CD1C: variants seen among roughly 807,000 people sequenced by gnomAD.
CD1C encodes the protein CD1c molecule, also known as T-cell surface glycoprotein CD1c.
A neutral mutation model predicts 39.4 loss-of-function variants in CD1C; 47 were observed. The ratio of observed to expected loss-of-function variants is 1.19; its 90% CI spans 0.94 to 1.52. The LOEUF is 1.52. Ranked by LOEUF, CD1C falls within the 40% of genes most tolerant of loss-of-function variation. CD1C has a pLI of 0.00. For missense variants in CD1C, 417 were observed against 395.2 expected, an observed-to-expected ratio of 1.06 and a Z score of -0.47; for synonymous variants, 165 against 150.8, an observed-to-expected ratio of 1.09 and a Z score of -0.69.
Position 158,292,307 on chromosome 1 carries a change from T to C in CD1C, c.552T>C (p.Thr184=), listed in dbSNP as rs1651071589. The change falls in exon 3 of 6, where the codon ACT becomes ACC. Residue 184 remains threonine, a synonymous_variant. Coordinates refer to ENST00000368170, the MANE Select transcript of CD1C (RefSeq NM_001765.3). ...CAGTGTATAATCTCATAAGAAGCAC[T>C]TGCCCCCGATTTCTCTTGGGTCTCC... ...TETVYNLIRS[T]CPRFLLGLLD... is the part of the protein sequence containing the mutation. 6.2e-7 allele frequency: 1 copy of C among 1,614,206 alleles called. No homozygotes were observed. Among genetic ancestry groups the C allele is most frequent in the Non-Finnish European group, 8.5e-7 (1 of 1,180,028 alleles).
intron 2 of CD1C, 141 bp downstream of exon 2, chr1:158,291,541 C>A: frequency 2.4e-6 from 2 of 832,042 alleles, no homozygotes; most frequent in Non-Finnish European, 1.9e-6. Context: ...AGGGATATTC[C>A]TGATGTTGAC....
rs924847064 is a variant in CD1C at position 158,293,547 on chromosome 1, G to A, written c.*71G>A. The A allele has an allele frequency of 1.2e-5, 20 of 1,613,826 alleles. No individual in the cohort carries two copies. Among genetic ancestry groups the A allele is most frequent in the Admixed American group, 3.3e-5 (2 of 59,986 alleles). ...CAGGAGCCTAGTACAATATAGTGAT[G>A]CCATCCCGTCGACTCTCCATTTAAA... On this transcript the variant is annotated 3_prime_UTR_variant, in exon 6 of 6. Coordinates refer to ENST00000368170, the MANE Select transcript of CD1C (RefSeq NM_001765.3).
chr1:158,291,114 T>C lies in CD1C; in HGVS notation c.62-20T>C. The C allele has an allele frequency of 6.2e-7, 1 of 1,609,534 alleles. No homozygotes were observed. Among genetic ancestry groups the C allele is most frequent in the East Asian group, 2.2e-5 (1 of 44,736 alleles). ...TTTTTTTTTTTTTCCTTACACTACT[T>C]GCCCTTCTTCCACCAAAAGCATCCC... is the stretch of plus-strand genomic sequence containing the variant. On this transcript the variant is annotated intron_variant, in intron 1 of 5. Transcript: ENST00000368170.
rs946472537 is a variant in CD1C, at chr1:158,293,566, A to G, written c.*90A>G. 8 of 1,613,762 alleles carry G rather than the reference A, an allele frequency of 5.0e-6. No individual in the cohort carries two copies. In the African/African-American group the frequency reaches 8.0e-5, roughly 16 times the overall value. ...AGTGATGCCATCCCGTCGACTCTCCATTTAAATTGTTTCTCTTTCTGCATA... is the reference window on the plus strand; with the variant it reads ...AGTGATGCCATCCCGTCGACTCTCCGTTTAAATTGTTTCTCTTTCTGCATA... On this transcript the variant is annotated 3_prime_UTR_variant, in exon 6 of 6. Transcript: ENST00000368170.
rs759928678 is a variant in CD1C at position 158,292,315 on chromosome 1, G to A, written c.560G>A (p.Arg187Gln). ...VYNLIRSTCP[R>Q]FLLGLLDAGK... Reference sequence around the variant, plus strand: ...AATCTCATAAGAAGCACTTGCCCCCGATTTCTCTTGGGTCTCCTGGATGCA... The same window carrying A: ...AATCTCATAAGAAGCACTTGCCCCCAATTTCTCTTGGGTCTCCTGGATGCA... The change falls in exon 3 of 6, where the codon CGA (arginine) becomes CAA (glutamine). Residue 187 changes from arginine (R) to glutamine (Q), a missense_variant. Transcript: ENST00000368170. The A allele has an allele frequency of 3.6e-5, 58 of 1,614,036 alleles. No individual in the cohort carries two copies. Among genetic ancestry groups the A allele is most frequent in the Non-Finnish European group, 4.0e-5 (47 of 1,180,032 alleles).
intron 2 of CD1C, 63 bp downstream of exon 2, chr1:158,291,463 C>G: frequency 6.5e-7 from 1 of 1,549,434 alleles, no homozygotes; most frequent in Non-Finnish European, 8.8e-7. Flanking sequence ...GAAATATTCT[C>G]TACTAATTTT....
At chr1:158,293,149 T>C (rs1422276236) in intron 4 of CD1C, 63 bp from the exon 5 acceptor site, 15 of 1,258,476 alleles carry the variant, frequency 1.2e-5, no homozygotes, top group African/African-American at 4.4e-5. Context: ...AGGAAATCAA[T>C]AGATGGAATA....
intron 1 of CD1C, 26 bp from the exon 2 acceptor site, chr1:158,291,105 TACA>T: frequency 6.3e-7 from 1 of 1,596,590 alleles, no homozygotes; most frequent in Non-Finnish European, 8.5e-7. Flanking sequence ...TTTTTTTCCT[TACA>T]CTACTTGCCC....
Position 158,292,729 on chromosome 1 carries a change from C to T in CD1C, c.744C>T (p.Gly248=), listed in dbSNP as rs757329481. The T allele has an allele frequency of 4.3e-6, 7 of 1,614,020 alleles. No homozygotes were observed. The African/African-American group carries it at 6.7e-5, about 15-fold the overall frequency. Residue 248 remains glycine, a synonymous_variant, in exon 4 of 6, where the codon GGC becomes GGT. Transcript: ENST00000368170. ...TWMRNEQEQL[G]TKHGDILPNA... is the part of the protein sequence containing the mutation. ...TGCGGAATGAACAGGAGCAACTGGG[C>T]ACTAAACATGGTGATATTCTTCCTA...
rs746276859 is a variant in CD1C at position 158,292,675 on chromosome 1, C to T, written c.690C>T (p.Phe230=). The T allele has an allele frequency of 6.2e-7, 1 of 1,613,898 alleles. No individual in the cohort carries two copies. The highest frequency in any genetic ancestry group is 2.2e-5 in the East Asian group (1 of 44,898). Residue 230 remains phenylalanine, a synonymous_variant, in exon 4 of 6, where the codon TTC becomes TTT. Coordinates refer to ENST00000368170, the MANE Select transcript of CD1C (RefSeq NM_001765.3). The part of the protein sequence containing the change: ...QLLLVCHASG[F]YPKPVWVTWM... ...TGCTGGTTTGTCATGCCTCCGGCTT[C>T]TACCCAAAGCCTGTTTGGGTGACAT... is the stretch of plus-strand genomic sequence containing the variant.
chr1:158,291,906 G>A (rs1159647269), intron 2 of CD1C, among the ~76,000 whole-genome samples, 178 bp from the exon 3 acceptor site: 2 of 151,636 alleles, frequency 1.3e-5, no homozygotes, highest in African/African-American at 4.9e-5. Flanking sequence ...ATCTCTTATT[G>A]TCCCCTTCCC....
intron 3 of CD1C, 44 bp from the exon 4 acceptor site, chr1:158,292,552 G>C: frequency 6.3e-7 from 1 of 1,593,550 alleles, no homozygotes; most frequent in Non-Finnish European, 8.6e-7. Context: ...GATGTAAGTT[G>C]TGTGTAAGTT....
In CD1C at chr1:158,293,315, T is replaced by G; in HGVS notation, c.980+13T>G. ...TTAAGAAGCACTGGTGAGTTTTTTG[T>G]ATTTCCTCCTCTCCTCCCAGTTTCT... On this transcript the variant is annotated intron_variant, in intron 5 of 5. Transcript: ENST00000368170. The G allele has an allele frequency of 6.2e-7, 1 of 1,606,422 alleles. No homozygotes were observed. The highest frequency in any genetic ancestry group is 8.5e-7 in the Non-Finnish European group (1 of 1,173,954).
Position 158,291,253 on chromosome 1 carries a change from G to A in CD1C, c.181G>A (p.Glu61Lys), listed in dbSNP as rs1348656529. ...GTTGCAGACTCATGGCTGGGACAGT[G>A]AATCAGGCACAATAATTTTCCTGCA... ...DELQTHGWDS[E>K]SGTIIFLHNW... Residue 61 changes from glutamate to lysine, a missense_variant, in exon 2 of 6, where the codon GAA (glutamate) becomes AAA (lysine). Transcript: ENST00000368170. 6.2e-7 allele frequency: 1 copy of A among 1,614,094 alleles called. No homozygotes were observed. Among genetic ancestry groups the A allele is most frequent in the Non-Finnish European group, 8.5e-7 (1 of 1,180,024 alleles).
rs1650988141 is a variant in CD1C at position 158,290,244 on chromosome 1, G to A, written c.61+119G>A. 3 of 849,800 alleles carry A rather than the reference G, an allele frequency of 3.5e-6. No individual in the cohort carries two copies. In the South Asian group the frequency reaches 5.3e-5, roughly 15 times the overall value. 52.6% of individuals were successfully genotyped at this position (849,800 alleles called of 1,614,324 possible). A position where few individuals can be genotyped will look rare whatever the true frequency, so the allele number is the denominator to read the frequency against. Reference sequence around the variant, plus strand: ...TGCCATCTGAGCATACCTGTCTCCAGGTCCAGTTTACTCTTTTGGAGGATG... The same window carrying A: ...TGCCATCTGAGCATACCTGTCTCCAAGTCCAGTTTACTCTTTTGGAGGATG... On this transcript the variant is annotated intron_variant, in intron 1 of 5. Coordinates refer to ENST00000368170, the MANE Select transcript of CD1C (RefSeq NM_001765.3).
intron 5 of CD1C, 50 bp from the exon 6 acceptor site, chr1:158,293,405 T>C: frequency 6.2e-7 from 1 of 1,607,824 alleles, no homozygotes; most frequent in Non-Finnish European, 8.5e-7. Context: ...TTATCCTCAG[T>C]TACCACCTCC....
chr1:158,292,511 CTG>C (rs1263490630), intron 3 of CD1C, 83 bp from the exon 4 acceptor site: 15 of 1,501,154 alleles, frequency 1.0e-5, no homozygotes, highest in Middle Eastern at 2.0e-4. Context: ...AAAAAGATAA[CTG>C]TGCATATTCA....
In CD1C at chr1:158,292,177, T is replaced by C. The variant is rs1249539644; in HGVS notation, c.422T>C (p.Leu141Ser). The change falls in exon 3 of 6, where the codon TTA becomes TCA. Residue 141 changes from leucine to serine, a missense_variant. Transcript: ENST00000368170. ...FFQVAFNGLDLLSFQNTTWVP... is the reference protein window; with the variant it reads ...FFQVAFNGLDSLSFQNTTWVP... ...CAGGTAGCTTTCAACGGATTAGATT[T>C]ACTGAGTTTCCAGAATACAACATGG... is the stretch of plus-strand genomic sequence containing the variant. The C allele has an allele frequency of 1.2e-6, 2 of 1,614,198 alleles. No individual in the cohort carries two copies. The highest frequency in any genetic ancestry group is 4.5e-5 in the East Asian group (2 of 44,874).
Position 158,293,618 on chromosome 1 carries a change from T to C in CD1C, c.*142T>C. On this transcript the variant is annotated 3_prime_UTR_variant, in exon 6 of 6. Transcript: ENST00000368170. Reference sequence around the variant, plus strand: ...TAAACATTTGTTAATAAAAACCAAATTCTAATTTGGAATGTTTTTCTTGGA... The same window carrying C: ...TAAACATTTGTTAATAAAAACCAAACTCTAATTTGGAATGTTTTTCTTGGA... 6.3e-7 allele frequency: 1 copy of C among 1,589,542 alleles called. No individual in the cohort carries two copies. The highest frequency in any genetic ancestry group is 8.6e-7 in the Non-Finnish European group (1 of 1,164,778).
Sources: gnomAD v4.1 joint callset for allele counts (sites outside exome capture counted in the v4.1 genomes callset) on GRCh38, gnomAD v4.1.1 for gene constraint, MANE v1.5 for transcripts, NCBI Gene and HGNC (gene_info 2026-07-23, HGNC 2026-07-21) for gene names.